The following SDK1 variants were observed in gnomAD, a reference collection of about 807,000 sequenced individuals.
The protein encoded by SDK1 is sidekick cell adhesion molecule 1.
In SDK1, 157 loss-of-function variants were observed where a neutral mutation model predicts 245.5. That is an observed-to-expected ratio of 0.64 (90% confidence interval 0.56 to 0.73). The LOEUF (loss-of-function observed/expected upper bound fraction) is 0.73, where lower values mean the gene tolerates loss of function less well. Among genes scored for constraint, SDK1 ranks in the 30% least tolerant of loss-of-function variants. SDK1 has a pLI of 0.00. For missense variants in SDK1, 3,583 were observed against 3,002.3 expected, an observed-to-expected ratio of 1.19 and a Z score of -4.52; for synonymous variants, 1,647 against 1,278.5, an observed-to-expected ratio of 1.29 and a Z score of -6.15.
intron 5 of SDK1, among the ~76,000 whole-genome samples, chr7:3,838,908 C>G (rs534012223): frequency 6.6e-6 from 1 of 152,238 alleles, no homozygotes; most frequent in South Asian, 2.1e-4. Context: ...TCTGACTGCC[C>G]CATCAAGTTA....
At chr7:3,551,780 G>T (rs546599616) in intron 1 of SDK1, among the ~76,000 whole-genome samples, 3 of 152,092 alleles carry the variant, frequency 2.0e-5, no homozygotes, top group Admixed American at 2.0e-4. Context: ...GGTTCGAGCA[G>T]TGTTTCCACC....
chr7:3,733,970 C>G (rs1779251785), intron 4 of SDK1, among the ~76,000 whole-genome samples: 1 of 152,088 alleles, frequency 6.6e-6, no homozygotes, highest in South Asian at 2.1e-4. Flanking sequence ...TCAAAAGGCT[C>G]CCAAGATGAT....
chr7:3,504,740 T>G (rs576305256), intron 1 of SDK1, among the ~76,000 whole-genome samples: 1 of 151,996 alleles, frequency 6.6e-6, no homozygotes, highest in South Asian at 2.1e-4. Context: ...GTTAGGCAGT[T>G]GTTTCTTAGA....
chr7:3,903,153 T>TG (rs1001303883), intron 5 of SDK1, among the ~76,000 whole-genome samples: 14 of 151,468 alleles, frequency 9.2e-5, no homozygotes, highest in African/African-American at 2.2e-4. Flanking sequence ...TGTTTTGTTT[T>TG]TTTTTTTTTG....
In SDK1 at chr7:3,959,559, T is replaced by G. The variant is rs1001517847; in HGVS notation, c.1234+545T>G. Among the ~76,000 whole-genome samples, 18 of 152,150 alleles carry G rather than the reference T, an allele frequency of 1.2e-4. No individual in the cohort carries two copies. The South Asian group carries it at 1.7e-3, about 14-fold the overall frequency. On this transcript the variant is annotated intron_variant, in intron 8 of 44. Transcript: ENST00000404826. Reference sequence around the variant, plus strand: ...TGTACCCTGTACCCGTTAAGTAATTTCTCATCGCCCACCCCACACCCTTGT... The same window carrying G: ...TGTACCCTGTACCCGTTAAGTAATTGCTCATCGCCCACCCCACACCCTTGT...
At chr7:3,457,589 A>G (rs966850875) in intron 1 of SDK1, among the ~76,000 whole-genome samples, 2 of 152,172 alleles carry the variant, frequency 1.3e-5, no homozygotes, top group Admixed American at 6.5e-5. Context: ...GTTGGATTCT[A>G]TGTATTTATG....
intron 5 of SDK1, among the ~76,000 whole-genome samples, chr7:3,940,776 A>G (rs1780335264): frequency 1.3e-5 from 2 of 152,204 alleles, no homozygotes; most frequent in Non-Finnish European, 1.5e-5. Flanking sequence ...AGCCGAGATC[A>G]TGCCGCTGCA....
intron 1 of SDK1, among the ~76,000 whole-genome samples, chr7:3,330,476 G>T (rs1012813593): frequency 5.3e-5 from 8 of 152,158 alleles, no homozygotes; most frequent in African/African-American, 1.7e-4. Context: ...GGTCATCAGG[G>T]TGAGGCCTCC....
intron 14 of SDK1, among the ~76,000 whole-genome samples, chr7:4,001,392 C>T (rs995227844): frequency 5.9e-5 from 9 of 152,200 alleles, no homozygotes; most frequent in East Asian, 1.9e-4. Context: ...CCACATCTCC[C>T]GGTGAGCATG....
intron 1 of SDK1, among the ~76,000 whole-genome samples, chr7:3,581,496 A>G (rs1351607649): frequency 6.6e-6 from 1 of 152,166 alleles, no homozygotes. Context: ...TCAAAAAATA[A>G]CAGATGTGGG....
intron 1 of SDK1, among the ~76,000 whole-genome samples, chr7:3,598,479 C>G (rs990383151): frequency 6.6e-6 from 1 of 152,108 alleles, no homozygotes; most frequent in Non-Finnish European, 1.5e-5. Context: ...CATGTAGACT[C>G]TCCCAATGGT....
chr7:4,124,837 G>A (rs1431095275), intron 25 of SDK1, among the ~76,000 whole-genome samples: 2 of 152,326 alleles, frequency 1.3e-5, no homozygotes, highest in South Asian at 2.1e-4. Flanking sequence ...TGAATGGATG[G>A]ATGGATAGGT....
intron 1 of SDK1, among the ~76,000 whole-genome samples, chr7:3,365,520 T>C (rs1478704729): frequency 6.6e-6 from 1 of 152,224 alleles, no homozygotes. Context: ...TATATTTCTA[T>C]TCATTTTCTC....
chr7:4,087,775 C>T (rs1781519718), intron 22 of SDK1, among the ~76,000 whole-genome samples: 1 of 152,088 alleles, frequency 6.6e-6, no homozygotes, highest in Non-Finnish European at 1.5e-5. Flanking sequence ...TTTTAGCACC[C>T]CTGTTTCCCA....
Position 4,267,448 on chromosome 7 carries a change from T to A in SDK1, c.*2064T>A. On this transcript the variant is annotated 3_prime_UTR_variant, in exon 45 of 45. Transcript: ENST00000404826. Reference sequence around the variant, plus strand: ...CTGCATGAGAATCGCAACCCACAGTTCCCCGGATGAGACTCACCACAGTGG... The same window carrying A: ...CTGCATGAGAATCGCAACCCACAGTACCCCGGATGAGACTCACCACAGTGG... 2 of 985,318 alleles carry A rather than the reference T, an allele frequency of 2.0e-6. No homozygotes were observed. The highest frequency in any genetic ancestry group is 2.4e-6 in the Non-Finnish European group (2 of 829,950). 61.0% of individuals were successfully genotyped at this position (985,318 alleles called of 1,614,324 possible). A position where few individuals can be genotyped will look rare whatever the true frequency, so the allele number is the denominator to read the frequency against.
intron 1 of SDK1, among the ~76,000 whole-genome samples, chr7:3,370,317 G>A (rs1188877784): frequency 1.3e-5 from 2 of 152,196 alleles, no homozygotes; most frequent in African/African-American, 4.8e-5. Flanking sequence ...TACCAACAAA[G>A]AGAGACAGTT....
At chr7:3,995,418 G>A (rs1054680003) in intron 14 of SDK1, among the ~76,000 whole-genome samples, 4 of 151,374 alleles carry the variant, frequency 2.6e-5, no homozygotes, top group African/African-American at 9.7e-5. Context: ...CCTTGGGGGC[G>A]CTGTCCTTAT....
chr7:3,325,940 G>T (rs7779576), intron 1 of SDK1, among the ~76,000 whole-genome samples: 32,682 of 151,916 alleles, frequency 0.22, 3,759 homozygotes, highest in African/African-American at 0.31. Flanking sequence ...GAACCATCTC[G>T]CTTGGTTGTA....
At chr7:4,043,105 G>A (rs1673644781) in intron 17 of SDK1, among the ~76,000 whole-genome samples, 1 of 92,270 alleles carries the variant, frequency 1.1e-5, no homozygotes, top group Non-Finnish European at 2.0e-5. Flanking sequence ...GGTAGAGTGA[G>A]TGTCACAGCC....
Sources: allele counts gnomAD v4.1 joint callset (sites outside exome capture counted in the v4.1 genomes callset), GRCh38; gene constraint gnomAD v4.1.1; transcripts MANE v1.5; gene names NCBI Gene and HGNC (gene_info 2026-07-23, HGNC 2026-07-21).